The following PAPPA variants were observed in gnomAD, a reference collection of about 807,000 sequenced individuals.
The protein encoded by PAPPA is pappalysin-1.
In PAPPA, 60 loss-of-function variants were observed where a neutral mutation model predicts 164.0. The observed-to-expected ratio is 0.37, with a 90% CI of 0.30 to 0.45. The LOEUF (loss-of-function observed/expected upper bound fraction) is 0.45, where lower values mean the gene tolerates loss of function less well. PAPPA is among the 20% of genes least tolerant of loss of function. The pLI, the probability that PAPPA is intolerant of heterozygous loss-of-function variation, is 1.00. For missense variants in PAPPA, 1,782 were observed against 2,087.3 expected, an observed-to-expected ratio of 0.85 and a Z score of 2.85; for synonymous variants, 875 against 814.1, an observed-to-expected ratio of 1.07 and a Z score of -1.27.
At chr9:116,177,318 C>T (rs1843848930) in intron 1 of PAPPA, among the ~76,000 whole-genome samples, 1 of 152,188 alleles carries the variant, frequency 6.6e-6, no homozygotes, top group South Asian at 2.1e-4. Context: ...CCAGACTGTC[C>T]ACTGTGCTTT....
At chr9:116,236,912 A>C (rs1844674939) in intron 7 of PAPPA, among the ~76,000 whole-genome samples, 1 of 152,206 alleles carries the variant, frequency 6.6e-6, no homozygotes. Flanking sequence ...CACTGCACTC[A>C]ACTGGTGCTC....
At chr9:116,334,153 C>T (rs1427635266) in intron 12 of PAPPA, among the ~76,000 whole-genome samples, 2 of 151,674 alleles carry the variant, frequency 1.3e-5, no homozygotes, top group African/African-American at 4.8e-5. Flanking sequence ...CTTGCCACAG[C>T]CTTCCTTTCC....
intron 9 of PAPPA, chr9:116,287,493 T>G (rs1845354458): frequency 6.6e-6 from 1 of 152,154 alleles, no homozygotes; most frequent in South Asian, 2.1e-4. Flanking sequence ...AACGACAATT[T>G]GTGTCTGGAG....
chr9:116,333,678 C>T (rs1235209402), intron 12 of PAPPA, among the ~76,000 whole-genome samples: 2 of 152,156 alleles, frequency 1.3e-5, no homozygotes, highest in Admixed American at 6.5e-5. Flanking sequence ...AAGAAAACCC[C>T]TCTGGACTTA....
chr9:116,265,996 C>A lies in PAPPA; in HGVS notation c.2861+11C>A. ...TGGCATTATACAAAAGTAAGTAGATCTAATTAAAGAAAGAAGAGGAGGGAT... is the reference window on the plus strand; with the variant it reads ...TGGCATTATACAAAAGTAAGTAGATATAATTAAAGAAAGAAGAGGAGGGAT... On this transcript the variant is annotated intron_variant, in intron 8 of 21. Transcript: ENST00000328252. The A allele has an allele frequency of 6.3e-7, 1 of 1,591,830 alleles. No individual in the cohort carries two copies. Among genetic ancestry groups the A allele is most frequent in the Non-Finnish European group, 8.6e-7 (1 of 1,162,700 alleles).
In PAPPA at chr9:116,289,245, A is replaced by G. The variant is rs1446680887; in HGVS notation, c.2954-13512A>G. On this transcript the variant is annotated intron_variant, in intron 9 of 21. Transcript: ENST00000328252. ...GCATATATATATAGCATATATATAT[A>G]GCATATATGTAGCATATATATATAG... Among the ~76,000 whole-genome samples the G allele has an allele frequency of 3.1e-4, 29 of 92,282 alleles. 7 individuals are homozygous for G. Among genetic ancestry groups the G allele is most frequent in the East Asian group, 9.9e-4 (3 of 3,028 alleles). The allele number at this position is 92,282 out of a possible 152,430, so 60.5% of individuals were successfully genotyped here.
At chr9:116,315,218 C>A (rs1178754219) in intron 10 of PAPPA, among the ~76,000 whole-genome samples, 2 of 152,140 alleles carry the variant, frequency 1.3e-5, no homozygotes, top group African/African-American at 2.4e-5. Flanking sequence ...CTGTTTCATC[C>A]CTTCACATTA....
At chr9:116,207,121 AT>A (rs1844245725) in intron 2 of PAPPA, among the ~76,000 whole-genome samples, 1 of 152,032 alleles carries the variant, frequency 6.6e-6, no homozygotes, top group African/African-American at 2.4e-5. Context: ...GAGAGACAGC[AT>A]TAAGAAAAAG....
chr9:116,224,444 C>A (rs1290219355), intron 5 of PAPPA, among the ~76,000 whole-genome samples: 1 of 152,182 alleles, frequency 6.6e-6, no homozygotes, highest in African/African-American at 2.4e-5. Context: ...ATGTTCTAGG[C>A]TTTCTCAACC....
chr9:116,268,835 C>A (rs936902089), intron 8 of PAPPA, among the ~76,000 whole-genome samples: 1 of 110,834 alleles, frequency 9.0e-6, no homozygotes, highest in African/African-American at 3.7e-5. Context: ...GGATGTTTCC[C>A]TAAGTAGGGG....
chr9:116,235,520 C>T lies in PAPPA; in HGVS notation c.2615C>T (p.Thr872Ile), dbSNP rs1428615100. The change falls in exon 7 of 22, where the codon ACT (threonine) becomes ATT (isoleucine). Residue 872 changes from threonine (T) to isoleucine (I), a missense_variant. Coordinates refer to ENST00000328252, the MANE Select transcript of PAPPA (RefSeq NM_002581.5). ...LEIDAAMLTS[T>I]ADTPLCLQCK... ...ATCGATGCTGCCATGTTGACCTCCA[C>T]TGCAGACACCCCACTCTGTCTACAG... is the stretch of plus-strand genomic sequence containing the variant. 10 of 1,613,548 alleles carry T rather than the reference C, an allele frequency of 6.2e-6. No homozygotes were observed. The African/African-American group carries it at 6.7e-5, about 11-fold the overall frequency.
intron 10 of PAPPA, among the ~76,000 whole-genome samples, chr9:116,320,940 C>T (rs1433943412): frequency 1.3e-5 from 2 of 152,006 alleles, no homozygotes; most frequent in Non-Finnish European, 2.9e-5. Context: ...TGGGAGAGGC[C>T]CTGAACCTGA....
At chr9:116,258,547 T>TC (rs747480419) in intron 7 of PAPPA, among the ~76,000 whole-genome samples, 122 of 151,714 alleles carry the variant, frequency 8.0e-4, no homozygotes, top group East Asian at 7.3e-3. Flanking sequence ...TCCCAGCTAC[T>TC]GGGAAGGCTG....
chr9:116,341,730 C>T (rs1846140294), intron 13 of PAPPA, among the ~76,000 whole-genome samples: 1 of 152,220 alleles, frequency 6.6e-6, no homozygotes, highest in Non-Finnish European at 1.5e-5. Context: ...ATGTCTGGTG[C>T]TCAGTAAAGC....
At chr9:116,351,572 G>A (rs559379997) in intron 15 of PAPPA, among the ~76,000 whole-genome samples, 47 of 152,152 alleles carry the variant, frequency 3.1e-4, no homozygotes, top group African/African-American at 1.1e-3. Context: ...CTGATCATAC[G>A]TAGTAGCCAA....
chr9:116,177,298 C>T (rs1278887894), intron 1 of PAPPA, among the ~76,000 whole-genome samples: 1 of 152,200 alleles, frequency 6.6e-6, no homozygotes, highest in African/African-American at 2.4e-5. Flanking sequence ...CCAAATTGTG[C>T]TCTTCACTAC....
chr9:116,256,291 T>C (rs535408090), intron 7 of PAPPA, among the ~76,000 whole-genome samples: 3 of 151,250 alleles, frequency 2.0e-5, no homozygotes, highest in African/African-American at 4.9e-5. Context: ...AAAAAATAAA[T>C]AAAACTAGAA....
intron 15 of PAPPA, among the ~76,000 whole-genome samples, chr9:116,348,870 A>G (rs1332498585): frequency 6.6e-6 from 1 of 152,122 alleles, no homozygotes; most frequent in Non-Finnish European, 1.5e-5. Context: ...TTCATGGTGT[A>G]TATGTACCAC....
At chr9:116,237,570 T>C (rs1248616363) in intron 7 of PAPPA, among the ~76,000 whole-genome samples, 9 of 152,190 alleles carry the variant, frequency 5.9e-5, no homozygotes, top group Non-Finnish European at 1.2e-4. Flanking sequence ...AAAGAACCCT[T>C]AGTGATTTAG....
Sources: allele counts gnomAD v4.1 joint callset (sites outside exome capture counted in the v4.1 genomes callset), GRCh38; gene constraint gnomAD v4.1.1; transcripts MANE v1.5; gene names NCBI Gene and HGNC (gene_info 2026-07-23, HGNC 2026-07-21).